Variants in DISC1 observed in about 807,000 individuals in gnomAD.
DISC1 encodes disrupted in schizophrenia 1 protein.
DISC1 carries 57 observed loss-of-function variants against 84.5 expected under a neutral mutation model. The ratio of observed to expected loss-of-function variants is 0.67; its 90% CI spans 0.55 to 0.84. The LOEUF (loss-of-function observed/expected upper bound fraction) is 0.84. DISC1 is among the 40% of genes least tolerant of loss of function. The pLI, the probability that DISC1 is intolerant of heterozygous loss-of-function variation, is 0.00. For synonymous variants in DISC1, 411 were observed against 415.2 expected (o/e 0.99, Z 0.12); for missense variants, 1,000 against 1,057.8 (o/e 0.95, Z 0.76).
At chr1:231,717,887 T>A (rs550527911) in intron 3 of DISC1, among the ~76,000 whole-genome samples, 184 of 152,292 alleles carry the variant, frequency 1.2e-3, no homozygotes, top group African/African-American at 4.3e-3. Flanking sequence ...TCCAATACTA[T>A]TGTATAGAAT....
chr1:231,735,836 G>A (rs370358810), intron 3 of DISC1, among the ~76,000 whole-genome samples: 22 of 151,920 alleles, frequency 1.4e-4, no homozygotes, highest in African/African-American at 4.3e-4. Flanking sequence ...TTTTTGAGTC[G>A]GGGTCTGGCT....
At chr1:231,890,846 A>T (rs2087152608) in intron 9 of DISC1, among the ~76,000 whole-genome samples, 1 of 152,202 alleles carries the variant, frequency 6.6e-6, no homozygotes, top group Non-Finnish European at 1.5e-5. Context: ...TTCTGTCTCC[A>T]TGCTGATTAT....
rs182792102 is a variant in DISC1, at chr1:231,657,202, C to T, written c.67+30268C>T. ...GTACGCCTCTAGGTCTTTGAGGAATCACTACACTGTCTTCCACAATGGTTG... is the reference window on the plus strand; with the variant it reads ...GTACGCCTCTAGGTCTTTGAGGAATTACTACACTGTCTTCCACAATGGTTG... On this transcript the variant is annotated intron_variant, in intron 1 of 12. Transcript: ENST00000439617. Among the ~76,000 whole-genome samples the T allele has an allele frequency of 3.4e-3, 523 of 152,312 alleles. 4 individuals are homozygous for T. Among genetic ancestry groups the T allele is most frequent in the African/African-American group, 0.012 (504 of 41,576 alleles).
At position 232,036,949 on chromosome 1, in the gene DISC1, G is replaced by A; in HGVS notation, c.*118G>A. On this transcript the variant is annotated 3_prime_UTR_variant, in exon 13 of 13. Coordinates refer to ENST00000439617, the MANE Select transcript of DISC1 (RefSeq NM_018662.3). ...AATTACGGAGATACAGAGCCTTGAGGTCTTTCAGTGGAAAGGTGGTTCATG... is the reference window on the plus strand; with the variant it reads ...AATTACGGAGATACAGAGCCTTGAGATCTTTCAGTGGAAAGGTGGTTCATG... 7 of 1,150,808 alleles carry A rather than the reference G, an allele frequency of 6.1e-6. No individual in the cohort carries two copies. The highest frequency in any genetic ancestry group is 8.1e-6 in the Non-Finnish European group (7 of 866,536). The allele number at this position is 1,150,808 out of a possible 1,614,324, so 71.3% of individuals were successfully genotyped here.
chr1:231,713,699 AG>A lies in DISC1; in HGVS notation c.1117+11677del, dbSNP rs1208143892. ...GAAGCAGATATATATATATATATAT[AG>A]GAGATATATATATATATATATATAG... On this transcript the variant is annotated intron_variant, in intron 3 of 12. Coordinates refer to ENST00000439617, the MANE Select transcript of DISC1 (RefSeq NM_018662.3). 8.3e-4 allele frequency among the ~76,000 whole-genome samples: 90 copies of A among 108,588 alleles called. 2 individuals carry two copies. The highest frequency in any genetic ancestry group is 3.7e-3 in the African/African-American group (88 of 23,840). The allele number at this position is 108,588 out of a possible 152,430, so 71.2% of individuals were successfully genotyped here.
intron 11 of DISC1, among the ~76,000 whole-genome samples, chr1:232,014,444 A>G (rs821643): frequency 0.34 from 52,410 of 151,934 alleles, 9,247 homozygotes; most frequent in East Asian, 0.42. Flanking sequence ...GAAAACTTCT[A>G]TCTCCACTAC....
intron 9 of DISC1, among the ~76,000 whole-genome samples, chr1:231,832,680 A>T (rs1341900550): frequency 1.4e-5 from 2 of 147,036 alleles, no homozygotes; most frequent in African/African-American, 5.1e-5. Flanking sequence ...GATAGTAAAG[A>T]AAGCATGTTT....
intron 9 of DISC1, among the ~76,000 whole-genome samples, chr1:231,849,685 C>T (rs1241137770): frequency 6.6e-6 from 1 of 151,384 alleles, no homozygotes; most frequent in Non-Finnish European, 1.5e-5. Flanking sequence ...AAGCATGACA[C>T]AGTTCACTGT....
At chr1:231,981,755 A>C (rs1404322498) in intron 10 of DISC1, among the ~76,000 whole-genome samples, 1 of 152,162 alleles carries the variant, frequency 6.6e-6, no homozygotes, top group Non-Finnish European at 1.5e-5. Flanking sequence ...TTATGAGTGA[A>C]GGCCGCAGAA....
Position 231,882,238 on chromosome 1 carries a change from G to A in DISC1, c.1981+63721G>A, listed in dbSNP as rs1456251045. ...GGTAGTCAGGGTCCCTATAGCAAGG[G>A]AAGAGATAATCTCTAAATATTCCCT... On this transcript the variant is annotated intron_variant, in intron 9 of 12. Coordinates refer to ENST00000439617, the MANE Select transcript of DISC1 (RefSeq NM_018662.3). 3.3e-5 allele frequency among the ~76,000 whole-genome samples: 5 copies of A among 152,126 alleles called. No individual in the cohort carries two copies. In the East Asian group the frequency reaches 9.7e-4, roughly 29 times the overall value.
intron 1 of DISC1, among the ~76,000 whole-genome samples, chr1:231,633,601 A>G (rs1316016017): frequency 6.6e-6 from 1 of 152,192 alleles, no homozygotes; most frequent in Non-Finnish European, 1.5e-5. Flanking sequence ...CTTTGCAGTC[A>G]TCTGCCCGAA....
At chr1:231,633,884 CTTTTTTTT>C (rs547057206) in intron 1 of DISC1, among the ~76,000 whole-genome samples, 17 of 135,432 alleles carry the variant, frequency 1.3e-4, no homozygotes, top group African/African-American at 3.9e-4. Flanking sequence ...TACCTGTCAT[CTTTTTTTT>C]TTTTTTTTTG....
intron 9 of DISC1, among the ~76,000 whole-genome samples, chr1:231,894,747 G>T (rs1041283746): frequency 2.1e-3 from 6 of 2,814 alleles, no homozygotes; most frequent in Non-Finnish European, 3.9e-3. Flanking sequence ...GTCATCTGTT[G>T]TGTGTGTGTG....
intron 3 of DISC1, 31 bp downstream of exon 3, chr1:231,702,055 G>T (rs1165033014): frequency 6.3e-7 from 1 of 1,592,168 alleles, no homozygotes; most frequent in Non-Finnish European, 8.5e-7. Flanking sequence ...TGATTGTTTT[G>T]TCATCATGTC....
chr1:231,769,798 TAAAAGA>T (rs1301077020), intron 5 of DISC1, among the ~76,000 whole-genome samples: 1 of 152,114 alleles, frequency 6.6e-6, no homozygotes, highest in East Asian at 1.9e-4. Context: ...GTTAAAAAAC[TAAAAGA>T]AAAAGAAATG....
chr1:231,767,423 A>G (rs765992043), intron 5 of DISC1, among the ~76,000 whole-genome samples, 154 bp downstream of exon 5: 6 of 152,172 alleles, frequency 3.9e-5, no homozygotes, highest in Non-Finnish European at 8.8e-5. Flanking sequence ...CAGCCTCCCA[A>G]GTAGCTGGAT....
In DISC1 at chr1:231,675,265, G is replaced by A. The variant is rs1237890620; in HGVS notation, c.68-18561G>A. On this transcript the variant is annotated intron_variant, in intron 1 of 12. Coordinates refer to ENST00000439617, the MANE Select transcript of DISC1 (RefSeq NM_018662.3). The surrounding 1 kb of genome is among the most constrained non-coding windows in gnomAD (Gnocchi z 4.1). ...AGCGCTGTCTTGGTGGATCCTGCCG[G>A]AATGACACATCTTTTTGCTTTGGGA... Among the ~76,000 whole-genome samples the A allele has an allele frequency of 2.0e-5, 3 of 151,916 alleles. No individual in the cohort carries two copies. The highest frequency in any genetic ancestry group is 4.4e-5 in the Non-Finnish European group (3 of 67,960).
chr1:232,001,610 G>A (rs994643247), intron 10 of DISC1, among the ~76,000 whole-genome samples: 14 of 152,130 alleles, frequency 9.2e-5, no homozygotes, highest in Non-Finnish European at 1.5e-4. Flanking sequence ...GATTTTTGGC[G>A]AAGGTATAAA....
Position 232,008,915 on chromosome 1 carries a change from T to G in DISC1, c.2173T>G (p.Leu725Val). Residue 725 changes from leucine (L) to valine (V), a missense_variant, in exon 11 of 13, where the codon TTA becomes GTA. Physicochemically the swap from Leu to Val is conservative, Grantham distance 32. Around this residue, in one of 3 missense-constraint regions of DISC1, gnomAD observed 397 missense variants for 377.5 expected, o/e 1.05. Transcript: ENST00000439617. Reference protein sequence around the residue: ...SVEDERQMDDLEGAAPPIPPR... With the variant: ...SVEDERQMDDVEGAAPPIPPR... ...AGAAGATGAGAGGCAGATGGATGAC[T>G]TAGAGGGAGCTGCTCCTCCTATTCC... 1 of 1,613,742 alleles carries G rather than the reference T, an allele frequency of 6.2e-7. No individual in the cohort carries two copies. The highest frequency in any genetic ancestry group is 1.1e-5 in the South Asian group (1 of 91,066).
Sources: allele counts gnomAD v4.1 joint callset (sites outside exome capture counted in the v4.1 genomes callset), GRCh38; gene constraint gnomAD v4.1.1; regional missense constraint gnomAD v4.1.1; non-coding constraint Gnocchi (gnomAD v3.1); transcripts MANE v1.5; gene names NCBI Gene and HGNC (gene_info 2026-07-23, HGNC 2026-07-21).